Variants in MEMO1 observed in about 807,000 individuals in gnomAD.
The protein encoded by MEMO1 is mediator of cell motility 1.
MEMO1 carries 6 observed loss-of-function variants against 45.2 expected under a neutral mutation model. The ratio of observed to expected loss-of-function variants is 0.13; its 90% confidence interval spans 0.07 to 0.26. The LOEUF (loss-of-function observed/expected upper bound fraction) is 0.26, where lower values mean the gene tolerates loss of function less well. Among genes scored for constraint, MEMO1 ranks in the 10% least tolerant of loss-of-function variants. The probability of loss-of-function intolerance (pLI) is 1.00; values close to 1 mark genes in which losing one functional copy is unlikely to be tolerated. For missense variants in MEMO1, 184 were observed against 370.5 expected (o/e 0.50, Z 4.13); for synonymous variants, 78 against 124.3 (o/e 0.63, Z 2.48).
intron 8 of MEMO1, among the ~76,000 whole-genome samples, chr2:31,880,952 A>G (rs1024376811): frequency 6.6e-6 from 1 of 152,130 alleles, no homozygotes; most frequent in Non-Finnish European, 1.5e-5. Flanking sequence ...TAAGCCCAGC[A>G]GGCTGAGGCT....
intron 7 of MEMO1, among the ~76,000 whole-genome samples, chr2:31,885,687 T>C (rs555977599): frequency 2.6e-5 from 4 of 152,320 alleles, no homozygotes; most frequent in African/African-American, 7.2e-5. Context: ...CCTGAACTGC[T>C]TTAGGTTTAC....
intron 2 of MEMO1, among the ~76,000 whole-genome samples, chr2:31,985,525 C>T (rs1053039813): frequency 4.6e-5 from 7 of 152,086 alleles, no homozygotes; most frequent in African/African-American, 1.4e-4. Flanking sequence ...AGGGTTTCAC[C>T]ATGTTGGCCA....
intron 2 of MEMO1, among the ~76,000 whole-genome samples, chr2:31,944,566 G>T (rs1665981941): frequency 6.6e-6 from 1 of 152,096 alleles, no homozygotes; most frequent in Non-Finnish European, 1.5e-5. Context: ...AATTGTCCTT[G>T]TTCCTATCAA....
chr2:31,956,791 T>C (rs1198856477), intron 2 of MEMO1, among the ~76,000 whole-genome samples: 1 of 152,216 alleles, frequency 6.6e-6, no homozygotes, highest in Non-Finnish European at 1.5e-5. Context: ...TGTGTGCATA[T>C]ATATCATACA....
intron 2 of MEMO1, among the ~76,000 whole-genome samples, chr2:31,957,522 A>C (rs2148392751): frequency 6.6e-6 from 1 of 152,360 alleles, no homozygotes; most frequent in South Asian, 2.1e-4. Context: ...AATTAGATAT[A>C]TGTGGGCCAA....
At chr2:31,998,130 G>A (rs905349279) in intron 2 of MEMO1, among the ~76,000 whole-genome samples, 1 of 152,124 alleles carries the variant, frequency 6.6e-6, no homozygotes, top group African/African-American at 2.4e-5. Flanking sequence ...TCCCACTTCA[G>A]CCTCCACAGT....
At chr2:31,960,897 A>G (rs1162052938) in intron 2 of MEMO1, among the ~76,000 whole-genome samples, 4 of 152,130 alleles carry the variant, frequency 2.6e-5, no homozygotes, top group Non-Finnish European at 5.9e-5. Flanking sequence ...AATCTTCTCA[A>G]TTTAAATTTC....
chr2:31,970,277 C>T (rs769578900), intron 2 of MEMO1, among the ~76,000 whole-genome samples: 9 of 151,962 alleles, frequency 5.9e-5, no homozygotes, highest in African/African-American at 1.4e-4. Flanking sequence ...GCCTCTCTTT[C>T]GTAATTTTCA....
intron 8 of MEMO1, among the ~76,000 whole-genome samples, chr2:31,879,799 T>A (rs908673954): frequency 1.3e-5 from 2 of 152,182 alleles, no homozygotes; most frequent in African/African-American, 4.8e-5. Context: ...AATAAATACA[T>A]GTGACTGGTG....
chr2:31,929,599 T>C (rs1210765493), intron 4 of MEMO1, among the ~76,000 whole-genome samples: 1 of 152,220 alleles, frequency 6.6e-6, no homozygotes, highest in Non-Finnish European at 1.5e-5. Flanking sequence ...CATTCTATCA[T>C]CAATTTTGGA....
chr2:31,902,098 A>G (rs938013576), intron 6 of MEMO1, among the ~76,000 whole-genome samples: 6 of 151,984 alleles, frequency 3.9e-5, no homozygotes, highest in Non-Finnish European at 8.8e-5. Context: ...CCTGGACAAC[A>G]TAGCAAGACC....
chr2:31,918,538 C>A (rs1681809183), intron 5 of MEMO1, among the ~76,000 whole-genome samples: 1 of 152,092 alleles, frequency 6.6e-6, no homozygotes, highest in Admixed American at 6.5e-5. Context: ...TATTATTTCA[C>A]ACCTGAGGTT....
chr2:31,888,067 T>C (rs1676446215), intron 7 of MEMO1, among the ~76,000 whole-genome samples: 1 of 152,082 alleles, frequency 6.6e-6, no homozygotes, highest in African/African-American at 2.4e-5. Context: ...ACAGTAAACT[T>C]CTCATATTTA....
intron 6 of MEMO1, among the ~76,000 whole-genome samples, chr2:31,893,703 T>C (rs1410273974): frequency 2.6e-5 from 4 of 151,904 alleles, no homozygotes; most frequent in Non-Finnish European, 5.9e-5. Flanking sequence ...ATAATTACAA[T>C]ACTTACTTCA....
At chr2:31,877,636 A>T (rs1474450559) in intron 8 of MEMO1, among the ~76,000 whole-genome samples, 2 of 152,230 alleles carry the variant, frequency 1.3e-5, no homozygotes, top group Non-Finnish European at 2.9e-5. Context: ...CATTTTGGAA[A>T]ATCAAGTCAC....
chr2:31,900,804 A>T (rs928540120), intron 6 of MEMO1, among the ~76,000 whole-genome samples: 1 of 152,214 alleles, frequency 6.6e-6, no homozygotes, highest in Admixed American at 6.5e-5. Flanking sequence ...ACAATAACAG[A>T]TATTGGCCAG....
intron 2 of MEMO1, among the ~76,000 whole-genome samples, chr2:31,969,889 C>T (rs1234159692): frequency 6.6e-6 from 1 of 151,980 alleles, no homozygotes; most frequent in African/African-American, 2.4e-5. Context: ...AGCCACTGTG[C>T]CTGGCCACGG....
At chr2:31,964,789 T>C (rs1428677551) in intron 2 of MEMO1, among the ~76,000 whole-genome samples, 1 of 152,172 alleles carries the variant, frequency 6.6e-6, no homozygotes, top group Admixed American at 6.6e-5. Context: ...CTGTTGTTTT[T>C]ACAGTGATAA....
At chr2:31,980,113 GC>G (rs1670467392) in intron 2 of MEMO1, among the ~76,000 whole-genome samples, 1 of 151,910 alleles carries the variant, frequency 6.6e-6, no homozygotes, top group Admixed American at 6.6e-5. Flanking sequence ...TTATATTGAT[GC>G]CAAAGTTACA....
Sources: allele counts gnomAD v4.1 joint callset (sites outside exome capture counted in the v4.1 genomes callset), GRCh38; gene constraint gnomAD v4.1.1; transcripts MANE v1.5; gene names NCBI Gene and HGNC (gene_info 2026-07-23, HGNC 2026-07-21).